Variants in ADAM22 observed in about 807,000 individuals in gnomAD.
The protein encoded by ADAM22 is disintegrin and metalloproteinase domain-containing protein 22.
A neutral mutation model predicts 144.6 loss-of-function variants in ADAM22; 65 were observed. The observed-to-expected ratio is 0.45, with a 90% CI of 0.37 to 0.55. The LOEUF is 0.55. ADAM22 is among the 20% of genes least tolerant of loss of function. The probability of loss-of-function intolerance (pLI) is 0.00; values close to 1 mark genes in which losing one functional copy is unlikely to be tolerated. For missense variants in ADAM22, 974 were observed against 1,184.9 expected, an observed-to-expected ratio of 0.82 and a Z score of 2.61; for synonymous variants, 391 against 412.6, an observed-to-expected ratio of 0.95 and a Z score of 0.63.
Position 88,198,248 on chromosome 7 carries a change from C to T in ADAM22, c.*1757C>T, listed in dbSNP as rs1024028349. ...ACATATCATGCCCAAACTGAAGGGC[C>T]GAGTTAGAAGGCAGCATTTTATACT... On this transcript the variant is annotated 3_prime_UTR_variant, in exon 32 of 32. Transcript: ENST00000413139. The T allele has an allele frequency of 1.1e-4, 16 of 152,192 alleles. No homozygotes were observed. Among genetic ancestry groups the T allele is most frequent in the Non-Finnish European group, 1.8e-4 (12 of 68,016 alleles). 9.4% of individuals were successfully genotyped at this position (152,192 alleles called of 1,614,324 possible). A position where few individuals can be genotyped will look rare whatever the true frequency, so the allele number is the denominator to read the frequency against.
intron 3 of ADAM22, among the ~76,000 whole-genome samples, chr7:88,029,495 T>C (rs1799753040): frequency 6.6e-6 from 1 of 152,166 alleles, no homozygotes; most frequent in Non-Finnish European, 1.5e-5. Flanking sequence ...GTGTAAGATA[T>C]GAGTAGTTTA....
At chr7:88,038,861 G>T (rs1802220342) in intron 3 of ADAM22, among the ~76,000 whole-genome samples, 1 of 150,950 alleles carries the variant, frequency 6.6e-6, no homozygotes, top group Non-Finnish European at 1.5e-5. Flanking sequence ...GCTTAATGTA[G>T]CCTCGACCTT....
intron 2 of ADAM22, among the ~76,000 whole-genome samples, chr7:87,978,117 G>T (rs919158517): frequency 6.6e-6 from 1 of 152,140 alleles, no homozygotes; most frequent in Non-Finnish European, 1.5e-5. Context: ...GAAAAGTAGG[G>T]CACTTGTCCT....
chr7:88,089,070 A>G (rs1819158546), intron 4 of ADAM22, among the ~76,000 whole-genome samples: 1 of 151,850 alleles, frequency 6.6e-6, no homozygotes, highest in African/African-American at 2.4e-5. Flanking sequence ...TTTTTTGGCC[A>G]TGGGAAGCAC....
Position 88,040,458 on chromosome 7 carries a change from C to T in ADAM22, c.324-35168C>T, listed in dbSNP as rs1585189916. The stretch of plus-strand genomic sequence containing the variant: ...ACACATCCATTGTTAAACTCATCAG[C>T]TTACTCCCCATCACCATCAGGTCTT... On this transcript the variant is annotated intron_variant, in intron 3 of 31. Coordinates refer to ENST00000413139, the MANE Select transcript of ADAM22 (RefSeq NM_001324418.2). Among the ~76,000 whole-genome samples, 6 of 152,130 alleles carry T rather than the reference C, an allele frequency of 3.9e-5. No individual in the cohort carries two copies. In the South Asian group the frequency reaches 1.0e-3, roughly 26 times the overall value.
At chr7:87,964,257 C>T (rs1017558758) in intron 2 of ADAM22, among the ~76,000 whole-genome samples, 2 of 152,216 alleles carry the variant, frequency 1.3e-5, no homozygotes, top group African/African-American at 2.4e-5. Context: ...ATAATGTATA[C>T]ACGTGCACAC....
chr7:88,122,209 C>G (rs1829468758), intron 7 of ADAM22, among the ~76,000 whole-genome samples: 1 of 152,190 alleles, frequency 6.6e-6, no homozygotes, highest in Non-Finnish European at 1.5e-5. Context: ...TGGTTGCTCT[C>G]TTTCTCACAT....
intron 2 of ADAM22, among the ~76,000 whole-genome samples, chr7:87,958,576 G>C (rs1232323167): frequency 6.6e-6 from 1 of 151,838 alleles, no homozygotes; most frequent in Non-Finnish European, 1.5e-5. Context: ...AGTAGAGATG[G>C]GGTTTCACCA....
At chr7:87,999,274 G>C (rs1791967491) in intron 3 of ADAM22, among the ~76,000 whole-genome samples, 1 of 152,122 alleles carries the variant, frequency 6.6e-6, no homozygotes, top group South Asian at 2.1e-4. Context: ...AAAGATGGAA[G>C]ATAACATTTA....
chr7:88,127,512 C>A (rs1409500431), intron 8 of ADAM22, among the ~76,000 whole-genome samples: 1 of 151,886 alleles, frequency 6.6e-6, no homozygotes, highest in Non-Finnish European at 1.5e-5. Context: ...TCATTGGATG[C>A]ACTTTAGTGT....
intron 2 of ADAM22, among the ~76,000 whole-genome samples, chr7:87,952,141 T>G (rs1460615053): frequency 6.6e-6 from 1 of 151,860 alleles, no homozygotes; most frequent in Admixed American, 6.6e-5. Flanking sequence ...ATTTCCTTCT[T>G]CTGCCTAATT....
At position 88,199,116 on chromosome 7, in the gene ADAM22, T is replaced by C. The variant is rs1250922299; in HGVS notation, c.*2625T>C. 1 of 152,176 alleles carries C rather than the reference T, an allele frequency of 6.6e-6. No homozygotes were observed. The highest frequency in any genetic ancestry group is 2.4e-5 in the African/African-American group (1 of 41,438). The allele number at this position is 152,176 out of a possible 1,614,324, so 9.4% of individuals were successfully genotyped here. A position where few individuals can be genotyped will look rare whatever the true frequency, so the allele number is the denominator to read the frequency against. ...ACATCTAAATATTTATGACTTTTCATCCACCGAGGTAGGTAGCATTAAATA... is the reference window on the plus strand; with the variant it reads ...ACATCTAAATATTTATGACTTTTCACCCACCGAGGTAGGTAGCATTAAATA... On this transcript the variant is annotated 3_prime_UTR_variant, in exon 32 of 32. Coordinates refer to ENST00000413139, the MANE Select transcript of ADAM22 (RefSeq NM_001324418.2).
chr7:88,037,612 A>AT (rs975858382), intron 3 of ADAM22, among the ~76,000 whole-genome samples: 22 of 148,424 alleles, frequency 1.5e-4, no homozygotes, highest in African/African-American at 3.0e-4. Context: ...TTTTATTTTT[A>AT]TTTTTTTTTG....
intron 3 of ADAM22, among the ~76,000 whole-genome samples, chr7:88,035,326 A>T (rs1318793972): frequency 2.6e-5 from 4 of 152,208 alleles, no homozygotes; most frequent in African/African-American, 9.6e-5. Context: ...TGGGCCCTAG[A>T]TCCAGTTGTG....
chr7:88,197,862 G>A lies in ADAM22; in HGVS notation c.*1371G>A, dbSNP rs1298506711. ...TAAACCACAGAGATGCAGCATCTGCGAAGTTACACTAACAGCTGGTGGGGG... is the reference window on the plus strand; with the variant it reads ...TAAACCACAGAGATGCAGCATCTGCAAAGTTACACTAACAGCTGGTGGGGG... On this transcript the variant is annotated 3_prime_UTR_variant, in exon 32 of 32. Transcript: ENST00000413139. 6.6e-6 allele frequency: 1 copy of A among 152,190 alleles called. No individual in the cohort carries two copies. The highest frequency in any genetic ancestry group is 1.5e-5 in the Non-Finnish European group (1 of 68,034). 9.4% of individuals were successfully genotyped at this position (152,190 alleles called of 1,614,324 possible).
chr7:88,050,258 A>C (rs1436216811), intron 3 of ADAM22, among the ~76,000 whole-genome samples: 1 of 150,158 alleles, frequency 6.7e-6, no homozygotes, highest in Non-Finnish European at 1.5e-5. Flanking sequence ...GGGCATCATA[A>C]GGTGCATGCC....
chr7:87,990,729 C>G (rs1789619213), intron 3 of ADAM22, among the ~76,000 whole-genome samples: 1 of 152,116 alleles, frequency 6.6e-6, no homozygotes, highest in Non-Finnish European at 1.5e-5. Context: ...GTGGTGCCAT[C>G]TCAGCTCACT....
intron 3 of ADAM22, among the ~76,000 whole-genome samples, chr7:88,046,787 A>G (rs921211253): frequency 3.9e-5 from 6 of 152,180 alleles, no homozygotes; most frequent in Admixed American, 1.3e-4. Context: ...GCATGTGGTT[A>G]TCCAGTTTTC....
At chr7:88,001,340 T>C (rs1792502929) in intron 3 of ADAM22, among the ~76,000 whole-genome samples, 1 of 152,172 alleles carries the variant, frequency 6.6e-6, no homozygotes, top group Admixed American at 6.5e-5. Context: ...ATTTTGATAG[T>C]TTTGTGCATG....
Sources: allele counts gnomAD v4.1 joint callset (sites outside exome capture counted in the v4.1 genomes callset), GRCh38; gene constraint gnomAD v4.1.1; transcripts MANE v1.5; gene names NCBI Gene and HGNC (gene_info 2026-07-23, HGNC 2026-07-21).